Variants in NF1 observed in about 807,000 individuals in gnomAD.
NF1 encodes neurofibromin.
NF1 carries 122 observed loss-of-function variants against 325.7 expected under a neutral mutation model. The observed-to-expected ratio is 0.37, with a 90% CI of 0.32 to 0.44. NF1 has a LOEUF of 0.44. Ranked by LOEUF, NF1 falls within the 20% of genes least tolerant of loss-of-function variation. The pLI is 1.00. For synonymous variants in NF1, 1,091 were observed against 1,186.0 expected (o/e 0.92, Z 1.65); for missense variants, 2,140 against 3,415.4 (o/e 0.63, Z 9.31).
chr17:31,226,427 A>G lies in NF1; in HGVS notation c.2002-8A>G, dbSNP rs1318674321. ...TGCAAATATATGTCTTCCACCCTTG[A>G]CTCTCAGGATAGTGCAGCAGGATGC... On this transcript the variant is annotated splice_polypyrimidine_tract_variant and splice_region_variant and intron_variant, in intron 17 of 57. Coordinates refer to ENST00000358273, the MANE Select transcript of NF1 (RefSeq NM_001042492.3). The G allele has an allele frequency of 6.2e-7, 1 of 1,612,194 alleles. No individual in the cohort carries two copies. The highest frequency in any genetic ancestry group is 2.2e-5 in the East Asian group (1 of 44,818).
chr17:31,136,315 C>T (rs1597602793), intron 1 of NF1: 1 of 95,922 alleles, frequency 1.0e-5, no homozygotes, highest in Non-Finnish European at 2.0e-5. Context: ...GGTGAAAGAG[C>T]AAGACTCTGT....
intron 36 of NF1, among the ~76,000 whole-genome samples, chr17:31,291,895 G>C (rs890442396): frequency 1.3e-4 from 20 of 152,190 alleles, no homozygotes; most frequent in African/African-American, 4.3e-4. Flanking sequence ...TCAGTGTGTA[G>C]AGCTGAAATG....
At chr17:31,293,046 C>T (rs1226624093) in intron 36 of NF1, among the ~76,000 whole-genome samples, 3 of 151,646 alleles carry the variant, frequency 2.0e-5, no homozygotes, top group East Asian at 3.9e-4. Context: ...AGCGTGGTGG[C>T]AGGCGCCTGT....
At chr17:31,176,843 C>A (rs910811187) in intron 5 of NF1, among the ~76,000 whole-genome samples, 1 of 152,070 alleles carries the variant, frequency 6.6e-6, no homozygotes, top group Admixed American at 6.5e-5. Flanking sequence ...TTTCTGAGGC[C>A]TCTGTTCTGT....
intron 38 of NF1, among the ~76,000 whole-genome samples, chr17:31,329,378 T>C (rs1293097880): frequency 1.3e-5 from 2 of 152,216 alleles, no homozygotes; most frequent in East Asian, 3.8e-4. Context: ...TTCTGCTTTT[T>C]GCTGAAGCAT....
chr17:31,211,656 A>G (rs1295189011), intron 12 of NF1, among the ~76,000 whole-genome samples: 1 of 152,208 alleles, frequency 6.6e-6, no homozygotes, highest in African/African-American at 2.4e-5. Context: ...ACAGCATGTT[A>G]CTGTACTGAA....
intron 29 of NF1, among the ~76,000 whole-genome samples, chr17:31,242,305 CTTTTTTTTTTT>C (rs200376987): frequency 5.2e-3 from 355 of 68,860 alleles, no homozygotes; most frequent in Non-Finnish European, 7.3e-3. Flanking sequence ...CATAAGTTCT[CTTTTTTTTTTT>C]TTTTTTTTTT....
At position 31,163,286 on chromosome 17, in the gene NF1, A is replaced by G. The variant is rs876660277; in HGVS notation, c.389A>G (p.His130Arg). 10 of 1,614,196 alleles carry G rather than the reference A, an allele frequency of 6.2e-6. No homozygotes were observed. The highest frequency in any genetic ancestry group is 8.5e-6 in the Non-Finnish European group (10 of 1,180,026). ...CACACCTGTCGTGAAGGAAACCAGCATGCAGCTGAACTTCGGAATTCTGCC... is the reference window on the plus strand; with the variant it reads ...CACACCTGTCGTGAAGGAAACCAGCGTGCAGCTGAACTTCGGAATTCTGCC... ...FLHTCREGNQHAAELRNSASG... is the reference protein window; with the variant it reads ...FLHTCREGNQRAAELRNSASG... The change falls in exon 4 of 58, where the codon CAT becomes CGT. Residue 130 changes from histidine (H) to arginine (R), a missense_variant. Transcript: ENST00000358273.
chr17:31,161,635 C>T (rs939928486), intron 3 of NF1, among the ~76,000 whole-genome samples: 2 of 152,176 alleles, frequency 1.3e-5, no homozygotes, highest in Non-Finnish European at 2.9e-5. Context: ...ATAACAGGAC[C>T]ACCTGGCCTT....
chr17:31,276,610 T>G (rs1225590587), intron 36 of NF1, among the ~76,000 whole-genome samples: 4 of 152,232 alleles, frequency 2.6e-5, no homozygotes, highest in African/African-American at 9.6e-5. Context: ...TTTGTTTCAC[T>G]TAGTGTGGAT....
At chr17:31,154,932 G>C (rs2065632700) in intron 1 of NF1, among the ~76,000 whole-genome samples, 1 of 151,484 alleles carries the variant, frequency 6.6e-6, no homozygotes, top group Non-Finnish European at 1.5e-5. Context: ...TAGAGTCTGG[G>C]TTCACCATGT....
intron 36 of NF1, among the ~76,000 whole-genome samples, chr17:31,317,363 A>C (rs1411190992): frequency 8.8e-6 from 1 of 113,030 alleles, no homozygotes; most frequent in Non-Finnish European, 1.8e-5. Flanking sequence ...AGTTTTCCAG[A>C]TTTGAACACA....
Position 31,377,457 on chromosome 17 carries a change from A to G in NF1, c.*3302A>G, listed in dbSNP as rs1247205588. The G allele has an allele frequency of 1.3e-5, 3 of 233,058 alleles. No individual in the cohort carries two copies. The highest frequency in any genetic ancestry group is 4.4e-5 in the African/African-American group (2 of 45,322). 14.4% of individuals were successfully genotyped at this position (233,058 alleles called of 1,614,324 possible). On this transcript the variant is annotated 3_prime_UTR_variant, in exon 58 of 58. Coordinates refer to ENST00000358273, the MANE Select transcript of NF1 (RefSeq NM_001042492.3). ...CTTACTGTCCTTTCCATCCGGGCCTAAACTTTGGCAGTTCCTTTGTCTACA... is the reference window on the plus strand; with the variant it reads ...CTTACTGTCCTTTCCATCCGGGCCTGAACTTTGGCAGTTCCTTTGTCTACA...
Position 31,187,558 on chromosome 17 carries a change from G to A in NF1, c.888+4893G>A, listed in dbSNP as rs563105258. 2.6e-5 allele frequency among the ~76,000 whole-genome samples: 4 copies of A among 152,286 alleles called. No homozygotes were observed. In the South Asian group the frequency reaches 8.3e-4, roughly 32 times the overall value. Reference sequence around the variant, plus strand: ...GCTGGATTGGTAGAACAGTGGAATGGCCTTTTGAAGTCACAATTACAATGC... The same window carrying A: ...GCTGGATTGGTAGAACAGTGGAATGACCTTTTGAAGTCACAATTACAATGC... On this transcript the variant is annotated intron_variant, in intron 8 of 57. Coordinates refer to ENST00000358273, the MANE Select transcript of NF1 (RefSeq NM_001042492.3).
chr17:31,153,323 A>G (rs1597622530), intron 1 of NF1, among the ~76,000 whole-genome samples: 1 of 152,268 alleles, frequency 6.6e-6, no homozygotes, highest in East Asian at 1.9e-4. Flanking sequence ...TGTGACGACT[A>G]GTGGCTGTTG....
intron 1 of NF1, among the ~76,000 whole-genome samples, chr17:31,150,271 A>G (rs1386362467): frequency 1.3e-5 from 2 of 152,126 alleles, no homozygotes; most frequent in Admixed American, 1.3e-4. Flanking sequence ...AGATTTTTCA[A>G]TTAGGGATAG....
chr17:31,155,959 G>GTT (rs376172637), intron 1 of NF1, 24 bp from the exon 2 acceptor site: 28 of 1,436,754 alleles, frequency 1.9e-5, no homozygotes, highest in Admixed American at 7.4e-5. Flanking sequence ...CTGTTAACGT[G>GTT]TTTTTTTTTT....
intron 48 of NF1, among the ~76,000 whole-genome samples, chr17:31,344,693 T>G (rs2069924390): frequency 6.6e-6 from 1 of 152,230 alleles, no homozygotes; most frequent in Non-Finnish European, 1.5e-5. Flanking sequence ...CAATGGGGAT[T>G]TCTCAAAAAA....
At chr17:31,252,654 C>A (rs746201427) in intron 30 of NF1, 1 of 387,062 alleles carries the variant, frequency 2.6e-6, no homozygotes, top group Non-Finnish European at 4.7e-6. Context: ...TATTTAATAT[C>A]CTCAAATTCA....
Sources: allele counts gnomAD v4.1 joint callset (sites outside exome capture counted in the v4.1 genomes callset), GRCh38; gene constraint gnomAD v4.1.1; transcripts MANE v1.5; gene names NCBI Gene and HGNC (gene_info 2026-07-23, HGNC 2026-07-21).